The following ABCB4 variants were observed in gnomAD, a reference collection of about 807,000 sequenced individuals.
ABCB4 encodes the protein phosphatidylcholine translocator ABCB4.
Under a neutral mutation model 145.7 loss-of-function variants are expected in ABCB4, and 76 were observed. The observed-to-expected ratio is 0.52, with a 90% CI of 0.43 to 0.63. The LOEUF is 0.63. ABCB4 is among the 30% of genes least tolerant of loss of function. ABCB4 has a pLI of 0.00. For missense variants in ABCB4, 1,234 were observed against 1,553.1 expected (o/e 0.79, Z 3.45); for synonymous variants, 517 against 566.8 (o/e 0.91, Z 1.25).
intron 21 of ABCB4, among the ~76,000 whole-genome samples, chr7:87,416,003 T>A (rs1880735): frequency 0.033 from 5,025 of 152,236 alleles, 265 homozygotes; most frequent in African/African-American, 0.11. Flanking sequence ...AAGGAAATGA[T>A]GCCCTAAAGT....
At chr7:87,382,320 G>GGT in the ABCB4 span, 4 of 1,447,212 alleles carry the variant, frequency 2.8e-6, no homozygotes, top group Non-Finnish European at 3.8e-6. Context: ...CTTTATGTCT[G>GGT]GTGATTACTT....
chr7:87,390,278 C>T, the ABCB4 span, among the ~76,000 whole-genome samples: 1 of 152,132 alleles, frequency 6.6e-6, no homozygotes, highest in Non-Finnish European at 1.5e-5. Flanking sequence ...TACTTGTCAG[C>T]CAGCATCTAT....
downstream of ABCB4, among the ~76,000 whole-genome samples, chr7:87,397,812 A>C (rs1222405644): frequency 6.6e-6 from 1 of 152,158 alleles, no homozygotes; most frequent in African/African-American, 2.4e-5. Flanking sequence ...TCTTTTTTTA[A>C]GTGATGTGAA....
At chr7:87,470,653 CA>C (rs1348834185) in intron 3 of ABCB4, among the ~76,000 whole-genome samples, 1 of 152,126 alleles carries the variant, frequency 6.6e-6, no homozygotes, top group African/African-American at 2.4e-5. Context: ...AAATGCAAAT[CA>C]AAACCACAAT....
rs928602254 is a variant in ABCB4, at chr7:87,443,548, A to C, written c.1231-104T>G. The C allele has an allele frequency of 3.7e-5, 57 of 1,550,726 alleles. No homozygotes were observed. The African/African-American group carries it at 7.8e-4, about 21-fold the overall frequency. On this transcript the variant is annotated intron_variant, in intron 11 of 27. Coordinates refer to ENST00000649586, the MANE Select transcript of ABCB4 (RefSeq NM_000443.4). ...TGAAAAAAAAGTATCAAATAAGGGA[A>C]TATAACCCCCAAAGGAAAAGGCACA...
the ABCB4 span, among the ~76,000 whole-genome samples, chr7:87,396,234 T>C: frequency 6.6e-6 from 1 of 152,050 alleles, no homozygotes; most frequent in Admixed American, 6.5e-5. Flanking sequence ...TTTGAGACCA[T>C]CCTGAGCAAT....
At chr7:87,415,044 C>T (rs1808873798) in intron 21 of ABCB4, among the ~76,000 whole-genome samples, 2 of 152,208 alleles carry the variant, frequency 1.3e-5, no homozygotes, top group African/African-American at 4.8e-5. Flanking sequence ...TATTCTGCTA[C>T]CCCTGCTGTG....
the ABCB4 span, among the ~76,000 whole-genome samples, chr7:87,369,971 C>T: frequency 6.9e-6 from 1 of 144,672 alleles, no homozygotes; most frequent in South Asian, 2.1e-4. Flanking sequence ...CTAACTTCAA[C>T]AGTTACCAAC....
chr7:87,467,364 T>TCCTAA (rs1205245469), intron 3 of ABCB4, among the ~76,000 whole-genome samples: 3 of 152,144 alleles, frequency 2.0e-5, no homozygotes, highest in Admixed American at 2.0e-4. Context: ...CCTAAATATA[T>TCCTAA]ATATTCACCC....
intron 17 of ABCB4, chr7:87,423,599 C>G: frequency 2.5e-6 from 1 of 397,690 alleles, no homozygotes; most frequent in Non-Finnish European, 4.7e-6. Flanking sequence ...CGACTTGTAC[C>G]AGCTTTTCTA....
the ABCB4 span, among the ~76,000 whole-genome samples, chr7:87,383,497 C>CTT: frequency 9.4e-3 from 1,223 of 130,442 alleles, 13 homozygotes; most frequent in Non-Finnish European, 0.017. Context: ...ATGTATATCA[C>CTT]TTTTTTTTTT....
chr7:87,457,646 C>T (rs922071257), intron 4 of ABCB4, among the ~76,000 whole-genome samples: 1 of 152,116 alleles, frequency 6.6e-6, no homozygotes, highest in African/African-American at 2.4e-5. Flanking sequence ...TACTATGTTC[C>T]AGACACTTTA....
the ABCB4 span, chr7:87,392,416 T>C: frequency 4.6e-6 from 3 of 650,894 alleles, no homozygotes; most frequent in Admixed American, 7.6e-5. Flanking sequence ...GAATAACTGA[T>C]GGAAAGATAT....
chr7:87,444,353 T>C (rs1383002376), intron 10 of ABCB4, among the ~76,000 whole-genome samples: 1 of 152,244 alleles, frequency 6.6e-6, no homozygotes, highest in Non-Finnish European at 1.5e-5. Context: ...TTGAATGCAG[T>C]GACTTACTTT....
At chr7:87,393,148 T>C in the ABCB4 span, 2 of 1,427,610 alleles carry the variant, frequency 1.4e-6, no homozygotes, top group Non-Finnish European at 1.9e-6. Context: ...TTTCCTACAC[T>C]GTGATTCTTA....
rs150721125 is a variant in ABCB4 at position 87,434,515 on chromosome 7, C to T, written c.1732-2950G>A. Among the ~76,000 whole-genome samples, 72 of 151,968 alleles carry T rather than the reference C, an allele frequency of 4.7e-4. 1 individual carries two copies. Among genetic ancestry groups the T allele is most frequent in the Middle Eastern group, 3.4e-3 (1 of 294 alleles). Reference sequence around the variant, plus strand: ...CTGTAATCCCAGAACTTTGGGAGGCCGAGGCAGGCGAATCACGAGATCAAG... The same window carrying T: ...CTGTAATCCCAGAACTTTGGGAGGCTGAGGCAGGCGAATCACGAGATCAAG... On this transcript the variant is annotated intron_variant, in intron 14 of 27. Coordinates refer to ENST00000649586, the MANE Select transcript of ABCB4 (RefSeq NM_000443.4).
intron 25 of ABCB4, 137 bp downstream of exon 25, chr7:87,407,900 G>T: frequency 9.4e-7 from 1 of 1,068,712 alleles, no homozygotes; most frequent in Non-Finnish European, 1.4e-6. Flanking sequence ...TATGGTGCCA[G>T]TTGGGGTTTA....
intron 25 of ABCB4, among the ~76,000 whole-genome samples, chr7:87,406,723 C>T (rs1808225020): frequency 6.6e-6 from 1 of 152,120 alleles, no homozygotes; most frequent in South Asian, 2.1e-4. Context: ...GCACATTTGA[C>T]CCTCTTTTTT....
chr7:87,392,689 A>G, the ABCB4 span: 1 of 1,610,952 alleles, frequency 6.2e-7, no homozygotes, highest in Non-Finnish European at 8.5e-7. Context: ...TCTCATGGTG[A>G]AAAATTTTTT....
Sources: gnomAD v4.1 joint callset for allele counts (sites outside exome capture counted in the v4.1 genomes callset) on GRCh38, gnomAD v4.1.1 for gene constraint, MANE v1.5 for transcripts, NCBI Gene and HGNC (gene_info 2026-07-23, HGNC 2026-07-21) for gene names.